GALNT18: variants seen among roughly 807,000 people sequenced by gnomAD.
GALNT18 encodes the protein GalNAc-transferase 18.
Under a neutral mutation model 69.5 loss-of-function variants are expected in GALNT18, and 44 were observed. The ratio of observed to expected loss-of-function variants is 0.63; its 90% CI spans 0.50 to 0.81. GALNT18 has a LOEUF of 0.81. Ranked by LOEUF, GALNT18 falls within the 40% of genes least tolerant of loss-of-function variation. GALNT18 has a pLI of 0.00. For missense variants in GALNT18, 715 were observed against 810.0 expected (o/e 0.88, Z 1.42); for synonymous variants, 364 against 318.2 (o/e 1.14, Z -1.53).
intron 9 of GALNT18, among the ~76,000 whole-genome samples, chr11:11,294,201 G>T (rs571640186): frequency 1.3e-5 from 2 of 152,302 alleles, no homozygotes; most frequent in African/African-American, 4.8e-5. Flanking sequence ...GTTTCCAAGG[G>T]TTCCCTCCCA....
At position 11,372,611 on chromosome 11, in the gene GALNT18, G is replaced by C. The variant is rs199868699; in HGVS notation, c.996C>G (p.Gly332=). The change falls in exon 6 of 11, where the codon GGC becomes GGG. Residue 332 remains glycine (G), a synonymous_variant. Transcript: ENST00000227756. The surrounding 1 kb of genome is among the most constrained non-coding windows in gnomAD (Gnocchi z 4.9). Reference sequence around the variant, plus strand: ...AGTACTGCCGGTCCACAATGAAGCAGCCAATGAGGGCAGGGCTCCTGCAGG... The same window carrying C: ...AGTACTGCCGGTCCACAATGAAGCACCCAATGAGGGCAGGGCTCCTGCAGG... ...TAPIRSPALI[G]CFIVDRQYFQ... is the part of the protein sequence containing the mutation. 6.2e-7 allele frequency: 1 copy of C among 1,614,162 alleles called. No homozygotes were observed. Among genetic ancestry groups the C allele is most frequent in the East Asian group, 2.2e-5 (1 of 44,872 alleles).
At chr11:11,547,189 A>G (rs1858074472) in intron 1 of GALNT18, among the ~76,000 whole-genome samples, 1 of 152,166 alleles carries the variant, frequency 6.6e-6, no homozygotes, top group African/African-American at 2.4e-5. Context: ...CAAGGTCCTA[A>G]TAACATGTGC....
Position 11,518,285 on chromosome 11 carries a change from T to C in GALNT18, c.236-69349A>G, listed in dbSNP as rs115398552. 5.6e-3 allele frequency among the ~76,000 whole-genome samples: 853 copies of C among 152,296 alleles called. 9 individuals carry two copies. The highest frequency in any genetic ancestry group is 0.02 in the African/African-American group (823 of 41,556). ...CTGAAAAAGCCAGTGATGGGATAAG[T>C]AGTGTTTGTTATCTAACTAAATTGT... On this transcript the variant is annotated intron_variant, in intron 1 of 10. Transcript: ENST00000227756.
At position 11,365,292 on chromosome 11, in the gene GALNT18, C is replaced by T. The variant is rs1027320151; in HGVS notation, c.1092+7223G>A. Among the ~76,000 whole-genome samples the T allele has an allele frequency of 2.0e-5, 3 of 152,266 alleles. No individual in the cohort carries two copies. In the East Asian group the frequency reaches 5.8e-4, roughly 29 times the overall value. ...TTAGTTTGCTGAGGATGATGGCTTCCAGCTTCATCCATGTCCCCACAAAGG... is the reference window on the plus strand; with the variant it reads ...TTAGTTTGCTGAGGATGATGGCTTCTAGCTTCATCCATGTCCCCACAAAGG... On this transcript the variant is annotated intron_variant, in intron 6 of 10. Transcript: ENST00000227756.
In GALNT18 at chr11:11,353,129, G is replaced by A. The variant is rs758648808; in HGVS notation, c.1093-12125C>T. ...GCACGGGTCCCGACATGTCAGACAGGTTGGCGGACAAAGCTGGACTTGATG... is the reference window on the plus strand; with the variant it reads ...GCACGGGTCCCGACATGTCAGACAGATTGGCGGACAAAGCTGGACTTGATG... On this transcript the variant is annotated intron_variant, in intron 6 of 10. Coordinates refer to ENST00000227756, the MANE Select transcript of GALNT18 (RefSeq NM_198516.3). The A allele has an allele frequency of 3.1e-6, 5 of 1,613,634 alleles. No individual in the cohort carries two copies. In the Admixed American group the frequency reaches 8.3e-5, roughly 27 times the overall value.
At chr11:11,284,712 C>T (rs2132991632) in intron 10 of GALNT18, among the ~76,000 whole-genome samples, 1 of 152,210 alleles carries the variant, frequency 6.6e-6, no homozygotes, top group Middle Eastern at 3.4e-3. Flanking sequence ...CCCAGTGGGT[C>T]TTTGGCTTTA....
At chr11:11,455,693 G>A (rs879631168) in intron 1 of GALNT18, among the ~76,000 whole-genome samples, 5 of 152,220 alleles carry the variant, frequency 3.3e-5, no homozygotes, top group Admixed American at 1.3e-4. Flanking sequence ...TGAAGACTGC[G>A]AGTCTGAAAG....
intron 1 of GALNT18, among the ~76,000 whole-genome samples, chr11:11,560,128 A>G (rs1194787485): frequency 3.3e-5 from 5 of 151,056 alleles, no homozygotes; most frequent in Non-Finnish European, 5.9e-5. Context: ...ATGGGATGGG[A>G]TGGGATAGAA....
At position 11,505,996 on chromosome 11, in the gene GALNT18, A is replaced by T. The variant is rs1195732499; in HGVS notation, c.236-57060T>A. Among the ~76,000 whole-genome samples, 1 of 152,160 alleles carries T rather than the reference A, an allele frequency of 6.6e-6. No homozygotes were observed. The highest frequency in any genetic ancestry group is 2.4e-5 in the African/African-American group (1 of 41,440). ...CAGCTCAGCTTTCAGGGACAAAATT[A>T]TGTATTATTGAGGTTTCCTGCAGTC... On this transcript the variant is annotated intron_variant, in intron 1 of 10. Coordinates refer to ENST00000227756, the MANE Select transcript of GALNT18 (RefSeq NM_198516.3). This position sits in a 1 kb window ranked among gnomAD's most constrained non-coding sequence, Gnocchi z 4.6.
intron 1 of GALNT18, among the ~76,000 whole-genome samples, chr11:11,559,792 ATGGAATAGAATGAGATATGATCAGG>A (rs1858427436): frequency 8.3e-6 from 1 of 119,926 alleles, no homozygotes; most frequent in African/African-American, 3.1e-5. Context: ...ATGGGATAGG[ATGGAATAGAATGAGATATGATCAGG>A]TGGAATAGAA....
chr11:11,584,363 G>A lies in GALNT18; in HGVS notation c.235+36996C>T, dbSNP rs906295241. 1.3e-5 allele frequency among the ~76,000 whole-genome samples: 2 copies of A among 152,202 alleles called. No individual in the cohort carries two copies. Among genetic ancestry groups the A allele is most frequent in the African/African-American group, 4.8e-5 (2 of 41,458 alleles). On this transcript the variant is annotated intron_variant, in intron 1 of 10. Transcript: ENST00000227756. This position sits in a 1 kb window ranked among gnomAD's most constrained non-coding sequence, Gnocchi z 4.1. The stretch of plus-strand genomic sequence containing the variant: ...GTTTGTATTTTAAAGTCTTGGAAAA[G>A]TAAATCAAAGTAAACAGGAACCTTG...
chr11:11,516,356 G>A (rs182584399), intron 1 of GALNT18, among the ~76,000 whole-genome samples: 96 of 152,324 alleles, frequency 6.3e-4, no homozygotes, highest in Admixed American at 1.8e-3. Flanking sequence ...TCCTGGTTGG[G>A]CACAGTGGCT....
At chr11:11,411,206 C>T (rs115227234) in intron 3 of GALNT18, among the ~76,000 whole-genome samples, 2,571 of 152,178 alleles carry the variant, frequency 0.017, 69 homozygotes, top group African/African-American at 0.06. Flanking sequence ...CCCAGCTACT[C>T]GGGAGGTTAA....
chr11:11,335,454 T>C (rs1850095999), intron 7 of GALNT18, among the ~76,000 whole-genome samples: 1 of 152,226 alleles, frequency 6.6e-6, no homozygotes, highest in African/African-American at 2.4e-5. Context: ...GTAAACCTTC[T>C]CTGAGAAGGT....
intron 9 of GALNT18, among the ~76,000 whole-genome samples, chr11:11,310,431 C>T (rs1233837438): frequency 6.6e-6 from 1 of 152,130 alleles, no homozygotes; most frequent in African/African-American, 2.4e-5. Flanking sequence ...TCTGAATGAC[C>T]CAGCATATTC....
Position 11,601,202 on chromosome 11 carries a change from C to T in GALNT18, c.235+20157G>A, listed in dbSNP as rs1438480887. ...TCTTAAATTTCTGTTGAAAACCAGA[C>T]ATTTTAGATACTATATTTTAGACAC... On this transcript the variant is annotated intron_variant, in intron 1 of 10. Coordinates refer to ENST00000227756, the MANE Select transcript of GALNT18 (RefSeq NM_198516.3). The surrounding 1 kb of genome is among the most constrained non-coding windows in gnomAD (Gnocchi z 4.0). Among the ~76,000 whole-genome samples the T allele has an allele frequency of 1.3e-5, 2 of 152,202 alleles. No individual in the cohort carries two copies. The highest frequency in any genetic ancestry group is 2.1e-4 in the South Asian group (1 of 4,826).
intron 8 of GALNT18, among the ~76,000 whole-genome samples, chr11:11,328,885 G>C (rs1027296354): frequency 3.3e-5 from 5 of 152,156 alleles, no homozygotes; most frequent in Admixed American, 2.6e-4. Context: ...GGAGAGCCCT[G>C]ATATTAGACT....
chr11:11,390,760 A>G (rs757121800), intron 3 of GALNT18, among the ~76,000 whole-genome samples: 4 of 152,200 alleles, frequency 2.6e-5, no homozygotes, highest in Non-Finnish European at 5.9e-5. Flanking sequence ...GCAGAACCCA[A>G]GTGTTCTCCT....
intron 6 of GALNT18, among the ~76,000 whole-genome samples, chr11:11,353,611 A>G (rs1202256541): frequency 6.6e-6 from 1 of 152,054 alleles, no homozygotes; most frequent in Non-Finnish European, 1.5e-5. Context: ...CTCTCTCTGA[A>G]GCTTAATCGA....
Sources: gnomAD v4.1 joint callset for allele counts (sites outside exome capture counted in the v4.1 genomes callset) on GRCh38, gnomAD v4.1.1 for gene constraint, Gnocchi (gnomAD v3.1) non-coding constraint, MANE v1.5 for transcripts, NCBI Gene and HGNC (gene_info 2026-07-23, HGNC 2026-07-21) for gene names.